HECW2: variants seen among roughly 807,000 people sequenced by gnomAD.
The protein encoded by HECW2 is E3 ubiquitin-protein ligase HECW2.
HECW2 carries 61 observed loss-of-function variants against 175.2 expected under a neutral mutation model. The observed-to-expected ratio is 0.35, with a 90% confidence interval of 0.28 to 0.43. The LOEUF (loss-of-function observed/expected upper bound fraction) is 0.43. Ranked by LOEUF, HECW2 falls within the 20% of genes least tolerant of loss-of-function variation. HECW2 has a pLI of 1.00. For missense variants in HECW2, 1,524 were observed against 2,000.5 expected, an observed-to-expected ratio of 0.76 and a Z score of 4.54; for synonymous variants, 671 against 731.0, an observed-to-expected ratio of 0.92 and a Z score of 1.32.
intron 1 of HECW2, among the ~76,000 whole-genome samples, chr2:196,465,199 T>C (rs1359172194): frequency 1.3e-5 from 2 of 152,166 alleles, no homozygotes; most frequent in Non-Finnish European, 2.9e-5. Context: ...TTGGCAGTAA[T>C]TTTTTTAAGC....
chr2:196,270,515 C>T (rs979290977), intron 17 of HECW2, among the ~76,000 whole-genome samples: 1 of 152,180 alleles, frequency 6.6e-6, no homozygotes, highest in African/African-American at 2.4e-5. Context: ...AATACCAAGT[C>T]TGGAACTCTA....
chr2:196,593,257 A>T (rs1691277489), intron 1 of HECW2, among the ~76,000 whole-genome samples: 1 of 151,016 alleles, frequency 6.6e-6, no homozygotes, highest in Non-Finnish European at 1.5e-5. Flanking sequence ...GCGCGAAGCC[A>T]TGGCTCCCGC....
chr2:196,279,209 C>A (rs1171682167), intron 14 of HECW2, among the ~76,000 whole-genome samples: 1 of 152,060 alleles, frequency 6.6e-6, no homozygotes, highest in Non-Finnish European at 1.5e-5. Context: ...CCACCACGCC[C>A]GGCTAATTTT....
At chr2:196,309,649 G>C (rs1431114341) in intron 10 of HECW2, among the ~76,000 whole-genome samples, 6 of 152,068 alleles carry the variant, frequency 3.9e-5, no homozygotes, top group Non-Finnish European at 8.8e-5. Context: ...TCGGAGTCAG[G>C]GTAATTCAGG....
At chr2:196,217,141 T>C (rs773247887) in intron 26 of HECW2, 48 bp from the exon 27 acceptor site, 6 of 1,379,112 alleles carry the variant, frequency 4.4e-6, no homozygotes, top group Non-Finnish European at 5.1e-6. Flanking sequence ...TCTTCTATAT[T>C]AAGCCACCAA....
intron 26 of HECW2, among the ~76,000 whole-genome samples, chr2:196,218,672 G>A (rs1434939539): frequency 1.3e-5 from 2 of 151,816 alleles, no homozygotes; most frequent in Non-Finnish European, 2.9e-5. Context: ...AATTAGCCAG[G>A]TATGGTGGCA....
chr2:196,346,027 T>C (rs984359717), intron 2 of HECW2, among the ~76,000 whole-genome samples: 7 of 152,318 alleles, frequency 4.6e-5, no homozygotes, highest in Admixed American at 2.6e-4. Context: ...GTTATGTACA[T>C]GGGAAATTTC....
chr2:196,515,460 A>G (rs1365661645), intron 1 of HECW2, among the ~76,000 whole-genome samples: 3 of 152,190 alleles, frequency 2.0e-5, no homozygotes, highest in Non-Finnish European at 2.9e-5. Context: ...CCTGACATCT[A>G]AACTCATGTT....
In HECW2 at chr2:196,281,097, T is replaced by C. The variant is rs774984928; in HGVS notation, c.3001-2435A>G. 5.3e-4 allele frequency among the ~76,000 whole-genome samples: 80 copies of C among 152,206 alleles called. 1 individual carries two copies. The highest frequency in any genetic ancestry group is 8.8e-4 in the Non-Finnish European group (60 of 68,038). Reference sequence around the variant, plus strand: ...AATGGGTGTCTACATGTAGGTCAACTATGATTTGTATGTAGTGTCATAGCC... The same window carrying C: ...AATGGGTGTCTACATGTAGGTCAACCATGATTTGTATGTAGTGTCATAGCC... On this transcript the variant is annotated intron_variant, in intron 14 of 28. Transcript: ENST00000644978.
intron 1 of HECW2, among the ~76,000 whole-genome samples, chr2:196,440,566 G>A (rs1696008888): frequency 6.6e-6 from 1 of 152,054 alleles, no homozygotes; most frequent in Non-Finnish European, 1.5e-5. Flanking sequence ...ATTCTCATAT[G>A]GGAAAACCAG....
chr2:196,449,406 G>A (rs548033655), intron 1 of HECW2, among the ~76,000 whole-genome samples: 2 of 152,322 alleles, frequency 1.3e-5, no homozygotes, highest in Admixed American at 6.5e-5. Context: ...TTTGAAGTCT[G>A]ATGGAATGAT....
chr2:196,435,961 A>AG, intron 1 of HECW2, among the ~76,000 whole-genome samples: 1 of 152,192 alleles, frequency 6.6e-6, no homozygotes, highest in South Asian at 2.1e-4. Flanking sequence ...ATACTCCCAT[A>AG]ATTCCCACCA....
chr2:196,422,522 A>C (rs1468096811), intron 2 of HECW2, among the ~76,000 whole-genome samples: 1 of 152,124 alleles, frequency 6.6e-6, no homozygotes, highest in Admixed American at 6.6e-5. Flanking sequence ...AAAATAAAGA[A>C]GGTGATGAGC....
In HECW2 at chr2:196,225,839, C is replaced by A; in HGVS notation, c.3949G>T (p.Ala1317Ser). 6.2e-7 allele frequency: 1 copy of A among 1,612,616 alleles called. No homozygotes were observed. Among genetic ancestry groups the A allele is most frequent in the Non-Finnish European group, 8.5e-7 (1 of 1,178,728 alleles). ...TCCAACAAATACTGGTGTATTAGTGCAAGACCAAGGATCCTACCACTGAAT... is the reference window on the plus strand; with the variant it reads ...TCCAACAAATACTGGTGTATTAGTGAAAGACCAAGGATCCTACCACTGAAT... ...FRFSGRILGL[A>S]LIHQYLLDAF... The change falls in exon 23 of 29, where the codon GCA becomes TCA. Residue 1317 changes from alanine to serine, a missense_variant. Transcript: ENST00000644978.
chr2:196,377,111 AG>A (rs1694073541), intron 2 of HECW2, among the ~76,000 whole-genome samples: 1 of 152,226 alleles, frequency 6.6e-6, no homozygotes, highest in African/African-American at 2.4e-5. Flanking sequence ...AAGAGAAACC[AG>A]GTTGGCCAAA....
chr2:196,330,377 A>C (rs1229875656), intron 4 of HECW2, among the ~76,000 whole-genome samples: 1 of 152,224 alleles, frequency 6.6e-6, no homozygotes, highest in Non-Finnish European at 1.5e-5. Flanking sequence ...TCTGCAAAAT[A>C]AGTCAAAAGA....
intron 10 of HECW2, among the ~76,000 whole-genome samples, chr2:196,312,398 C>T (rs114548155): frequency 0.028 from 4,250 of 152,260 alleles, 183 homozygotes; most frequent in African/African-American, 0.096. Flanking sequence ...TGATTAAGTT[C>T]TAATGAACTA....
At chr2:196,481,932 C>T (rs1686855773) in intron 1 of HECW2, among the ~76,000 whole-genome samples, 1 of 152,180 alleles carries the variant, frequency 6.6e-6, no homozygotes, top group Admixed American at 6.5e-5. Context: ...AAAGAACTAC[C>T]TGCACAATGT....
At chr2:196,535,675 T>A (rs1688996956) in intron 1 of HECW2, among the ~76,000 whole-genome samples, 1 of 152,106 alleles carries the variant, frequency 6.6e-6, no homozygotes, top group Non-Finnish European at 1.5e-5. Context: ...CCTTACCCTC[T>A]CCTCATCGAT....
Sources: allele counts gnomAD v4.1 joint callset (sites outside exome capture counted in the v4.1 genomes callset), GRCh38; gene constraint gnomAD v4.1.1; transcripts MANE v1.5; gene names NCBI Gene and HGNC (gene_info 2026-07-23, HGNC 2026-07-21).